The following ZMIZ1 variants were observed in gnomAD, a reference collection of about 807,000 sequenced individuals.
ZMIZ1 encodes zinc finger MIZ domain-containing protein 1.
ZMIZ1 carries 17 observed loss-of-function variants against 113.9 expected under a neutral mutation model. The ratio of observed to expected loss-of-function variants is 0.15; its 90% CI spans 0.10 to 0.22. ZMIZ1 has a LOEUF of 0.22. ZMIZ1 is among the 10% of genes least tolerant of loss of function. The pLI, the probability that ZMIZ1 is intolerant of heterozygous loss-of-function variation, is 1.00. For synonymous variants in ZMIZ1, 607 were observed against 603.1 expected, an observed-to-expected ratio of 1.01 and a Z score of -0.09; for missense variants, 1,059 against 1,477.8, an observed-to-expected ratio of 0.72 and a Z score of 4.65.
At chr10:79,294,034 C>T (rs909981688) in intron 12 of ZMIZ1, 1 of 306,250 alleles carries the variant, frequency 3.3e-6, no homozygotes, top group African/African-American at 2.1e-5. Flanking sequence ...GAGAGCTTCC[C>T]CAACTCCTCT....
At position 79,184,094 on chromosome 10, in the gene ZMIZ1, T is replaced by G. The variant is rs148226594; in HGVS notation, c.-49-17490T>G. ...TGGGATACTGGACAGGGCCTCTGGTTCAGAGCCTCCAGGTGGCTCTGCTCC... is the reference window on the plus strand; with the variant it reads ...TGGGATACTGGACAGGGCCTCTGGTGCAGAGCCTCCAGGTGGCTCTGCTCC... On this transcript the variant is annotated intron_variant, in intron 4 of 24. Transcript: ENST00000334512. Among the ~76,000 whole-genome samples the G allele has an allele frequency of 5.8e-4, 89 of 152,304 alleles. No homozygotes were observed. The East Asian group carries it at 0.014, about 24-fold the overall frequency.
At chr10:79,136,466 T>C (rs1441064988) in intron 2 of ZMIZ1, among the ~76,000 whole-genome samples, 1 of 152,190 alleles carries the variant, frequency 6.6e-6, no homozygotes, top group Non-Finnish European at 1.5e-5. Flanking sequence ...CTGTGTGGAA[T>C]GAATGAATTA....
In ZMIZ1 at chr10:79,078,693, C is replaced by T. The variant is rs941838399; in HGVS notation, c.-337+9423C>T. On this transcript the variant is annotated intron_variant, in intron 1 of 24. Transcript: ENST00000334512. ...CTGAGTAGCTGGGACTACAGGCATG[C>T]GCACCCATGCCCAGCTAATTTTTGT... Among the ~76,000 whole-genome samples the T allele has an allele frequency of 1.2e-4, 17 of 144,112 alleles. No homozygotes were observed. In the South Asian group the frequency reaches 3.6e-3, roughly 30 times the overall value. 94.5% of individuals were successfully genotyped at this position (144,112 alleles called of 152,430 possible). A position where few individuals can be genotyped will look rare whatever the true frequency, so the allele number is the denominator to read the frequency against.
chr10:79,203,522 G>C (rs930364233), intron 5 of ZMIZ1, among the ~76,000 whole-genome samples: 2 of 152,106 alleles, frequency 1.3e-5, no homozygotes, highest in African/African-American at 4.8e-5. Context: ...TGGCTCAGCT[G>C]GCAGGGGCCC....
chr10:79,145,734 A>C (rs1190068989), intron 3 of ZMIZ1, among the ~76,000 whole-genome samples: 1 of 152,044 alleles, frequency 6.6e-6, no homozygotes, highest in African/African-American at 2.4e-5. Context: ...TTACTTTCTT[A>C]AGAGACAAGG....
chr10:79,233,914 A>G (rs1443051663), intron 7 of ZMIZ1, among the ~76,000 whole-genome samples: 1 of 152,176 alleles, frequency 6.6e-6, no homozygotes, highest in South Asian at 2.1e-4. Flanking sequence ...CAGGGGCTCT[A>G]GTGAAGTTGG....
chr10:79,093,169 CACACACAT>C lies in ZMIZ1; in HGVS notation c.-337+23901_-337+23908del, dbSNP rs199806167. The stretch of plus-strand genomic sequence containing the variant: ...ACACACACACACACACACACACACA[CACACACAT>C]ATTCAGGGGATGCTTTAGGTTCTCT... On this transcript the variant is annotated intron_variant, in intron 1 of 24. Coordinates refer to ENST00000334512, the MANE Select transcript of ZMIZ1 (RefSeq NM_020338.4). Among the ~76,000 whole-genome samples the C allele has an allele frequency of 1.6e-3, 216 of 136,062 alleles. 3 individuals are homozygous for C. Among genetic ancestry groups the C allele is most frequent in the African/African-American group, 2.3e-3 (79 of 33,644 alleles). The allele number at this position is 136,062 out of a possible 152,430, so 89.3% of individuals were successfully genotyped here.
intron 22 of ZMIZ1, among the ~76,000 whole-genome samples, chr10:79,306,941 T>G (rs117539730): frequency 0.012 from 1,880 of 152,320 alleles, 12 homozygotes; most frequent in South Asian, 0.022. Context: ...CGCCACATGG[T>G]GGAGGGCACA....
At chr10:79,277,842 A>G (rs951554682) in intron 8 of ZMIZ1, among the ~76,000 whole-genome samples, 3 of 152,234 alleles carry the variant, frequency 2.0e-5, no homozygotes, top group Non-Finnish European at 4.4e-5. Context: ...CAGCCTCAGA[A>G]GGAGCACGTG....
In ZMIZ1 at chr10:79,306,283, G is replaced by A. The variant is rs367668686; in HGVS notation, c.2607G>A (p.Pro869=). 23 of 1,613,546 alleles carry A rather than the reference G, an allele frequency of 1.4e-5. No homozygotes were observed. Among genetic ancestry groups the A allele is most frequent in the African/African-American group, 6.7e-5 (5 of 74,908 alleles). ...MEMIAALGPG[P]SPYPLPPPPG... is the part of the protein sequence containing the mutation. ...TGATCGCAGCCCTGGGCCCCGGCCC[G>A]TCCCCCTATCCCCTCCCGCCTCCCC... Residue 869 remains proline, a synonymous_variant, in exon 22 of 25, where the codon CCG becomes CCA. Transcript: ENST00000334512.
intron 11 of ZMIZ1, among the ~76,000 whole-genome samples, chr10:79,293,130 TCACCC>T (rs1330974638): frequency 1.2e-4 from 18 of 150,740 alleles, no homozygotes; most frequent in African/African-American, 4.4e-4. Flanking sequence ...AGTGACCACC[TCACCC>T]CACCCCACCC....
chr10:79,245,226 C>T (rs761522492), intron 7 of ZMIZ1, among the ~76,000 whole-genome samples: 10 of 152,220 alleles, frequency 6.6e-5, no homozygotes, highest in Admixed American at 1.3e-4. Context: ...TCTCATGCCT[C>T]TTGATTCTCA....
intron 4 of ZMIZ1, among the ~76,000 whole-genome samples, chr10:79,179,253 T>C (rs577882408): frequency 6.6e-6 from 1 of 152,190 alleles, no homozygotes; most frequent in African/African-American, 2.4e-5. Flanking sequence ...TGATATGAAT[T>C]CCTTCTCCCA....
At chr10:79,307,282 A>G (rs541667603) in intron 22 of ZMIZ1, 123 bp from the exon 23 acceptor site, 2 of 965,358 alleles carry the variant, frequency 2.1e-6, no homozygotes, top group Non-Finnish European at 3.1e-6. Context: ...GGCTGCTGTG[A>G]CCTACTACAG....
intron 2 of ZMIZ1, among the ~76,000 whole-genome samples, chr10:79,131,636 G>C (rs997896599): frequency 2.6e-5 from 4 of 152,102 alleles, no homozygotes; most frequent in African/African-American, 7.2e-5. Context: ...GAGCAGCTCT[G>C]CATGGCCCCC....
chr10:79,177,932 C>T (rs1846940549), intron 4 of ZMIZ1, among the ~76,000 whole-genome samples: 1 of 152,144 alleles, frequency 6.6e-6, no homozygotes, highest in South Asian at 2.1e-4. Flanking sequence ...CTTTTCTTCT[C>T]TTTTGGACTA....
chr10:79,168,645 C>T lies in ZMIZ1; in HGVS notation c.-50+6512C>T, dbSNP rs141692171. ...CTTGTGGGCCGTATTAAGAAGGATT[C>T]GGAGGCTGTGTGCGGACTCCACGAG... On this transcript the variant is annotated intron_variant, in intron 4 of 24. Coordinates refer to ENST00000334512, the MANE Select transcript of ZMIZ1 (RefSeq NM_020338.4). Among the ~76,000 whole-genome samples, 229 of 152,326 alleles carry T rather than the reference C, an allele frequency of 1.5e-3. 1 individual carries two copies. The highest frequency in any genetic ancestry group is 2.7e-3 in the Non-Finnish European group (181 of 68,030).
At chr10:79,199,684 G>A (rs1847990434) in intron 4 of ZMIZ1, among the ~76,000 whole-genome samples, 1 of 152,200 alleles carries the variant, frequency 6.6e-6, no homozygotes, top group Non-Finnish European at 1.5e-5. Flanking sequence ...CTCTCCAGAA[G>A]GGGGACTGAT....
At chr10:79,255,825 C>T (rs766067817) in intron 7 of ZMIZ1, among the ~76,000 whole-genome samples, 24 of 152,202 alleles carry the variant, frequency 1.6e-4, no homozygotes, top group Non-Finnish European at 2.9e-4. Context: ...TAGTGATTTC[C>T]GCATCGATCA....
Sources: allele counts gnomAD v4.1 joint callset (sites outside exome capture counted in the v4.1 genomes callset), GRCh38; gene constraint gnomAD v4.1.1; transcripts MANE v1.5; gene names NCBI Gene and HGNC (gene_info 2026-07-23, HGNC 2026-07-21).